Variants in JPH2 observed in about 807,000 individuals in gnomAD.
The protein encoded by JPH2 is junctophilin 2, also known as junctophilin-2.
In JPH2, 38 loss-of-function variants were observed where a neutral mutation model predicts 55.9. That is an observed-to-expected ratio of 0.68 (90% CI 0.52 to 0.89). The LOEUF is 0.89. Among genes scored for constraint, JPH2 ranks in the 40% least tolerant of loss-of-function variants. The pLI, the probability that JPH2 is intolerant of heterozygous loss-of-function variation, is 0.00. For synonymous variants in JPH2, 480 were observed against 472.4 expected (o/e 1.02, Z -0.21); for missense variants, 964 against 1,037.6 (o/e 0.93, Z 0.97).
At chr20:44,117,501 C>T (rs1055027452) in intron 3 of JPH2, among the ~76,000 whole-genome samples, 4 of 152,258 alleles carry the variant, frequency 2.6e-5, no homozygotes, top group Admixed American at 1.3e-4. Flanking sequence ...ACTCATCCCA[C>T]CCAGCGCTAT....
chr20:44,148,488 G>C (rs1446877393), intron 2 of JPH2, among the ~76,000 whole-genome samples: 1 of 152,242 alleles, frequency 6.6e-6, no homozygotes, highest in African/African-American at 2.4e-5. Flanking sequence ...TGAGGAAAGG[G>C]AGTGTGGTGA....
intron 1 of JPH2, among the ~76,000 whole-genome samples, chr20:44,179,040 C>G (rs1174021434): frequency 6.6e-6 from 1 of 152,178 alleles, no homozygotes; most frequent in South Asian, 2.1e-4. Context: ...GGATCCAGAG[C>G]GCAGAAGCTT....
At chr20:44,149,065 CA>C (rs578078047) in intron 2 of JPH2, among the ~76,000 whole-genome samples, 71 of 123,402 alleles carry the variant, frequency 5.8e-4, no homozygotes, top group African/African-American at 9.4e-4. Flanking sequence ...GACTCCGTCT[CA>C]AAAAAAAAAA....
intron 1 of JPH2, among the ~76,000 whole-genome samples, chr20:44,171,712 A>G (rs1189727014): frequency 1.3e-5 from 2 of 152,188 alleles, no homozygotes; most frequent in African/African-American, 4.8e-5. Flanking sequence ...TTCATCCTGC[A>G]TATCTCAGCT....
At chr20:44,134,901 T>TAA (rs2072397030) in intron 2 of JPH2, among the ~76,000 whole-genome samples, 3 of 76,068 alleles carry the variant, frequency 3.9e-5, no homozygotes, top group African/African-American at 1.8e-4. Context: ...TATATATTTA[T>TAA]ATATATATAT....
intron 2 of JPH2, among the ~76,000 whole-genome samples, chr20:44,119,873 CAAAAAAAAAA>C (rs56808570): frequency 4.9e-5 from 6 of 121,468 alleles, no homozygotes; most frequent in African/African-American, 1.9e-4. Context: ...GACTCCATCT[CAAAAAAAAAA>C]AAAAAAAAAA....
Position 44,160,368 on chromosome 20 carries a change from C to G in JPH2, c.419G>C (p.Gly140Ala). The change falls in exon 2 of 6, where the codon GGC (glycine) becomes GCC (alanine). Residue 140 changes from glycine to alanine, a missense_variant. By Grantham distance (60) the Gly-to-Ala change is moderately conservative (BLOSUM62 0). Transcript: ENST00000372980. This position sits in a 1 kb window ranked among gnomAD's most constrained non-coding sequence, Gnocchi z 4.9. ...GGGCACGCTCTGGCGTACTCCGTAG[C>G]CATGGCGCATGCCGTTGGTGAACTG... ...QGQFTNGMRH[G>A]YGVRQSVPYG... 1 of 1,606,188 alleles carries G rather than the reference C, an allele frequency of 6.2e-7. No homozygotes were observed. Among genetic ancestry groups the G allele is most frequent in the Non-Finnish European group, 8.5e-7 (1 of 1,177,102 alleles).
At position 44,159,955 on chromosome 20, in the gene JPH2, G is replaced by C; in HGVS notation, c.832C>G (p.Pro278Ala). The change falls in exon 2 of 6, where the codon CCC becomes GCC. Residue 278 changes from proline to alanine, a missense_variant. Pro to Ala is a conservative substitution (Grantham distance 27). Transcript: ENST00000372980. The surrounding 1 kb of genome is among the most constrained non-coding windows in gnomAD (Gnocchi z 5.7). ...EAAEGADEAA[P>A]FEADIDATTT... ...GTGGCGTCGATATCGGCCTCGAAGG[G>C]TGCGGCCTCGTCGGCGCCCTCGGCG... is the stretch of plus-strand genomic sequence containing the variant. The C allele has an allele frequency of 6.2e-7, 1 of 1,604,108 alleles. No homozygotes were observed. The highest frequency in any genetic ancestry group is 2.2e-5 in the East Asian group (1 of 44,576).
chr20:44,129,675 C>G (rs1434593766), intron 2 of JPH2, among the ~76,000 whole-genome samples: 1 of 151,978 alleles, frequency 6.6e-6, no homozygotes, highest in African/African-American at 2.4e-5. Flanking sequence ...GTCCTAGTGT[C>G]TGGAACCCGT....
chr20:44,181,187 G>A (rs770175917), intron 1 of JPH2, among the ~76,000 whole-genome samples: 6 of 152,050 alleles, frequency 3.9e-5, no homozygotes, highest in South Asian at 2.1e-4. Context: ...GGGAGGGGTC[G>A]GCGAGATGGG....
At chr20:44,129,563 A>AG in intron 2 of JPH2, among the ~76,000 whole-genome samples, 1 of 122,460 alleles carries the variant, frequency 8.2e-6, no homozygotes, top group East Asian at 2.2e-4. Context: ...AAAAAAAAAA[A>AG]AAAAAACAAA....
chr20:44,124,616 C>G (rs575627396), intron 2 of JPH2, among the ~76,000 whole-genome samples: 1 of 151,192 alleles, frequency 6.6e-6, no homozygotes, highest in South Asian at 2.1e-4. Context: ...GAGTTTGAGA[C>G]CAGCCTGGGC....
intron 2 of JPH2, among the ~76,000 whole-genome samples, chr20:44,144,064 C>A (rs1255842572): frequency 3.3e-5 from 5 of 152,140 alleles, no homozygotes; most frequent in Admixed American, 1.3e-4. Context: ...TCCCTCAAGC[C>A]CTGCCTGGCT....
At chr20:44,115,615 GC>G in intron 4 of JPH2, 49 bp downstream of exon 4, 1 of 1,610,318 alleles carries the variant, frequency 6.2e-7, no homozygotes, top group Non-Finnish European at 8.5e-7. Flanking sequence ...CTCAAGCCCT[GC>G]TACCTCTAGG....
In JPH2 at chr20:44,115,704, C is replaced by T. The variant is rs142333841; in HGVS notation, c.1971G>A (p.Glu657=). 2,773 of 1,613,416 alleles carry T rather than the reference C, an allele frequency of 1.7e-3. 8 individuals are homozygous for T. The highest frequency in any genetic ancestry group is 4.1e-3 in the South Asian group (369 of 91,048). Residue 657 remains glutamate, a synonymous_variant, in exon 4 of 6, where the codon GAG becomes GAA. Transcript: ENST00000372980. The part of the protein sequence containing the change: ...KAGAKKKARK[E]AALAAEAEVE... ...CCTCCGCCTCTGCCGCCAGTGCGGC[C>T]TCCTTCCGCGCCTTCTTCTTGGCCC...
chr20:44,111,770 C>T lies in JPH2; in HGVS notation c.*1748G>A, dbSNP rs1208256865. Reference sequence around the variant, plus strand: ...CCCCAAACCCAACCCCAAACACCAGCCCCCAAACTTGGCCTGGGAGCTTTG... The same window carrying T: ...CCCCAAACCCAACCCCAAACACCAGTCCCCAAACTTGGCCTGGGAGCTTTG... On this transcript the variant is annotated 3_prime_UTR_variant, in exon 6 of 6. Coordinates refer to ENST00000372980, the MANE Select transcript of JPH2 (RefSeq NM_020433.5). 1 of 152,358 alleles carries T rather than the reference C, an allele frequency of 6.6e-6. No homozygotes were observed. Among genetic ancestry groups the T allele is most frequent in the Non-Finnish European group, 1.5e-5 (1 of 68,206 alleles). The allele number at this position is 152,358 out of a possible 1,614,324, so 9.4% of individuals were successfully genotyped here.
At chr20:44,164,591 A>G (rs569534313) in intron 1 of JPH2, among the ~76,000 whole-genome samples, 2 of 152,312 alleles carry the variant, frequency 1.3e-5, no homozygotes, top group African/African-American at 4.8e-5. Context: ...CACACAACAC[A>G]TGAATGGGTC....
chr20:44,134,709 A>ATATT (rs550033324), intron 2 of JPH2, among the ~76,000 whole-genome samples: 4,105 of 48,732 alleles, frequency 0.084, 981 homozygotes, highest in African/African-American at 0.13. Flanking sequence ...ACATTAATAT[A>ATATT]TATTATAAAT....
chr20:44,177,705 T>C, intron 1 of JPH2: 1 of 1,322,596 alleles, frequency 7.6e-7, no homozygotes, highest in Non-Finnish European at 9.7e-7. Context: ...CCATCTACAC[T>C]GGCAGGACTC....
Sources: gnomAD v4.1 joint callset for allele counts (sites outside exome capture counted in the v4.1 genomes callset) on GRCh38, gnomAD v4.1.1 for gene constraint, Gnocchi (gnomAD v3.1) non-coding constraint, MANE v1.5 for transcripts, NCBI Gene and HGNC (gene_info 2026-07-23, HGNC 2026-07-21) for gene names.